ALDH3A1: variants seen among roughly 807,000 people sequenced by gnomAD.
The protein encoded by ALDH3A1 is aldehyde dehydrogenase, dimeric NADP-preferring.
A neutral mutation model predicts 49.9 loss-of-function variants in ALDH3A1; 46 were observed. That is an observed-to-expected ratio of 0.92 (90% CI 0.73 to 1.18). The LOEUF (loss-of-function observed/expected upper bound fraction) is 1.18, where lower values mean the gene tolerates loss of function less well. Ranked by LOEUF, ALDH3A1 falls within the 50% of genes most tolerant of loss-of-function variation. The probability of loss-of-function intolerance (pLI) is 0.00; values close to 1 mark genes in which losing one functional copy is unlikely to be tolerated. For synonymous variants in ALDH3A1, 269 were observed against 253.3 expected (o/e 1.06, Z -0.59); for missense variants, 592 against 611.8 (o/e 0.97, Z 0.34).
Position 19,744,951 on chromosome 17 carries a change from C to A in ALDH3A1, c.162+17G>T. ...TGGCCCCGACACTGGCAGAAGGCGGCCGCCCAGCCTGAGCACCTTGTGCAG... is the reference window on the plus strand; with the variant it reads ...TGGCCCCGACACTGGCAGAAGGCGGACGCCCAGCCTGAGCACCTTGTGCAG... On this transcript the variant is annotated intron_variant, in intron 2 of 10. Coordinates refer to ENST00000225740, the MANE Select transcript of ALDH3A1 (RefSeq NM_000691.5). 1 of 1,310,086 alleles carries A rather than the reference C, an allele frequency of 7.6e-7. No individual in the cohort carries two copies. The highest frequency in any genetic ancestry group is 1.6e-5 in the African/African-American group (1 of 62,166). 81.2% of individuals were successfully genotyped at this position (1,310,086 alleles called of 1,614,324 possible). A position where few individuals can be genotyped will look rare whatever the true frequency, so the allele number is the denominator to read the frequency against.
chr17:19,746,983 C>T (rs1018835190), intron 1 of ALDH3A1, among the ~76,000 whole-genome samples: 4 of 152,120 alleles, frequency 2.6e-5, no homozygotes, highest in Admixed American at 6.5e-5. Context: ...CTCCCTCCTC[C>T]CTGCTCCATC....
chr17:19,740,585 G>C (rs1350175325), intron 6 of ALDH3A1, 108 bp from the exon 7 acceptor site: 1 of 1,280,090 alleles, frequency 7.8e-7, no homozygotes, highest in Admixed American at 2.2e-5. Context: ...TGGGATTCTG[G>C]GTGGAGCTTT....
chr17:19,744,179 G>C, intron 2 of ALDH3A1: 1 of 947,678 alleles, frequency 1.1e-6, no homozygotes, highest in South Asian at 4.9e-5. Flanking sequence ...CTCCTCCTGA[G>C]GAACTCCTGA....
Position 19,742,561 on chromosome 17 carries a change from G to T in ALDH3A1, c.464C>A (p.Pro155His). Residue 155 changes from proline (P) to histidine (H), a missense_variant, in exon 4 of 11, where the codon CCC becomes CAC. Pro to His is a moderately conservative substitution (Grantham distance 77). Transcript: ENST00000225740. The stretch of plus-strand genomic sequence containing the variant: ...GCAACTCACCTTGTCCAGGTACTGG[G>T]GGATGATGGTAGCCAGCAGGCTCGC... The part of the protein sequence containing the change: ...NMASLLATII[P>H]QYLDKDLYPV... 6.2e-7 allele frequency: 1 copy of T among 1,613,740 alleles called. No individual in the cohort carries two copies. The highest frequency in any genetic ancestry group is 2.2e-5 in the East Asian group (1 of 44,860).
chr17:19,743,690 G>A lies in ALDH3A1; in HGVS notation c.163-227C>T, dbSNP rs890168913. 30 of 985,206 alleles carry A rather than the reference G, an allele frequency of 3.0e-5. No homozygotes were observed. Among genetic ancestry groups the A allele is most frequent in the African/African-American group, 5.2e-5 (3 of 57,222 alleles). 61.0% of individuals were successfully genotyped at this position (985,206 alleles called of 1,614,324 possible). ...CAGAGGGGGGCCCAGGTAGGTTTGC[G>A]GCCCCAGGGGAGAGAGCCGGTGAAG... On this transcript the variant is annotated intron_variant, in intron 2 of 10. Transcript: ENST00000225740. This position sits in a 1 kb window ranked among gnomAD's most constrained non-coding sequence, Gnocchi z 4.4.
intron 9 of ALDH3A1, chr17:19,738,665 C>A (rs1185262798): frequency 2.9e-6 from 2 of 694,610 alleles, no homozygotes; most frequent in African/African-American, 3.6e-5. Context: ...TGGCCAATGT[C>A]TAGGGTGTCC....
intron 1 of ALDH3A1, 23 bp from the exon 2 acceptor site, chr17:19,745,157 G>C: frequency 1.9e-6 from 3 of 1,546,288 alleles, no homozygotes; most frequent in African/African-American, 1.4e-5. Context: ...AGCACCTGCA[G>C]CTGGCTGAGG....
intron 1 of ALDH3A1, chr17:19,747,935 C>T (rs1385217501): frequency 5.8e-6 from 1 of 171,474 alleles, no homozygotes; most frequent in Non-Finnish European, 1.3e-5. Flanking sequence ...TTTGAACCCA[C>T]ATGCATCTCT....
chr17:19,739,480 C>G, intron 8 of ALDH3A1, 28 bp downstream of exon 8: 1 of 1,594,700 alleles, frequency 6.3e-7, no homozygotes, highest in Non-Finnish European at 8.5e-7. Context: ...AGGACCCTGG[C>G]AGAGGGCACC....
At chr17:19,741,041 C>G in intron 6 of ALDH3A1, 52 bp downstream of exon 6, 1 of 1,407,912 alleles carries the variant, frequency 7.1e-7, no homozygotes, top group Non-Finnish European at 1.0e-6. Context: ...GGCCAGGCCC[C>G]CCTTGTGCCT....
Position 19,738,307 on chromosome 17 carries a change from G to A in ALDH3A1, c.1347+16C>T, listed in dbSNP as rs372494751. 31 of 1,613,322 alleles carry A rather than the reference G, an allele frequency of 1.9e-5. No individual in the cohort carries two copies. Among genetic ancestry groups the A allele is most frequent in the Non-Finnish European group, 2.5e-5 (29 of 1,179,490 alleles). On this transcript the variant is annotated intron_variant, in intron 10 of 10. Coordinates refer to ENST00000225740, the MANE Select transcript of ALDH3A1 (RefSeq NM_000691.5). ...CGCACAGCCCGGTCTCCCCCACAGC[G>A]CCTTCCCCCTCTCACCTTGGCCGGG...
intron 5 of ALDH3A1, chr17:19,741,445 C>T (rs1005311267): frequency 4.2e-6 from 2 of 478,156 alleles, no homozygotes; most frequent in African/African-American, 3.9e-5. Flanking sequence ...TGAGGGCAAC[C>T]TCCGTGCTCC....
At chr17:19,740,541 C>G in intron 6 of ALDH3A1, 64 bp from the exon 7 acceptor site, 1 of 1,582,768 alleles carries the variant, frequency 6.3e-7, no homozygotes, top group Non-Finnish European at 8.6e-7. Context: ...AAAGGCTGCA[C>G]AGACACAGGC....
Position 19,742,569 on chromosome 17 carries a change from G to C in ALDH3A1, c.456C>G (p.Thr152=). ...LSENMASLLA[T]IIPQYLDKDL... Reference sequence around the variant, plus strand: ...CCTTGTCCAGGTACTGGGGGATGATGGTAGCCAGCAGGCTCGCCATGTTCT... The same window carrying C: ...CCTTGTCCAGGTACTGGGGGATGATCGTAGCCAGCAGGCTCGCCATGTTCT... The change falls in exon 4 of 11, where the codon ACC becomes ACG. Residue 152 remains threonine, a synonymous_variant. Coordinates refer to ENST00000225740, the MANE Select transcript of ALDH3A1 (RefSeq NM_000691.5). 6.2e-7 allele frequency: 1 copy of C among 1,613,828 alleles called. No individual in the cohort carries two copies. The highest frequency in any genetic ancestry group is 8.5e-7 in the Non-Finnish European group (1 of 1,179,902).
intron 3 of ALDH3A1, 198 bp from the exon 4 acceptor site, chr17:19,742,828 AC>A (rs1372611942): frequency 1.3e-6 from 2 of 1,533,782 alleles, no homozygotes; most frequent in Non-Finnish European, 8.7e-7. Context: ...ACACACGGGC[AC>A]ACGCTGGCCA....
rs747805938 is a variant in ALDH3A1, at chr17:19,743,861, C to A, written c.163-398G>T. ...AGATTCGGGCACTGGGAGCTGGATC[C>A]GGGCAGGGTGGAGGGAGCCAGGCCC... On this transcript the variant is annotated intron_variant, in intron 2 of 10. Coordinates refer to ENST00000225740, the MANE Select transcript of ALDH3A1 (RefSeq NM_000691.5). This position sits in a 1 kb window ranked among gnomAD's most constrained non-coding sequence, Gnocchi z 4.4. The A allele has an allele frequency of 1.0e-6, 1 of 983,916 alleles. No homozygotes were observed. The highest frequency in any genetic ancestry group is 1.8e-5 in the African/African-American group (1 of 56,674). The allele number at this position is 983,916 out of a possible 1,614,324, so 60.9% of individuals were successfully genotyped here.
rs1567648681 is a variant in ALDH3A1 at position 19,738,250 on chromosome 17, C to T, written c.1348-15G>A. 7.4e-6 allele frequency: 12 copies of T among 1,614,068 alleles called. No individual in the cohort carries two copies. Among genetic ancestry groups the T allele is most frequent in the East Asian group, 4.5e-5 (2 of 44,878 alleles). On this transcript the variant is annotated splice_polypyrimidine_tract_variant and intron_variant, in intron 10 of 10. Transcript: ENST00000225740. ...TGCTGGGTCATCTGTGAAAGGGACA[C>T]GGAGTGGGCAGTGATCCCCAGGCCC...
At chr17:19,741,917 A>T (rs1172956920) in intron 5 of ALDH3A1, 87 bp downstream of exon 5, 25 of 1,330,412 alleles carry the variant, frequency 1.9e-5, no homozygotes, top group Non-Finnish European at 2.5e-5. Flanking sequence ...TGTGTTACTC[A>T]GAGTGGACCC....
Position 19,738,071 on chromosome 17 carries a change from A to T in ALDH3A1, c.*150T>A, listed in dbSNP as rs2086417472. The T allele has an allele frequency of 6.4e-7, 1 of 1,564,210 alleles. No homozygotes were observed. The highest frequency in any genetic ancestry group is 1.4e-5 in the African/African-American group (1 of 73,944). On this transcript the variant is annotated 3_prime_UTR_variant, in exon 11 of 11. Coordinates refer to ENST00000225740, the MANE Select transcript of ALDH3A1 (RefSeq NM_000691.5). ...ATGGTGAGGCCTGGGCCCATGTGGG[A>T]GTGGGGTGTGCACAGGTCAGCAGGT... is the stretch of plus-strand genomic sequence containing the variant.
Sources: gnomAD v4.1 joint callset for allele counts (sites outside exome capture counted in the v4.1 genomes callset) on GRCh38, gnomAD v4.1.1 for gene constraint, Gnocchi (gnomAD v3.1) non-coding constraint, MANE v1.5 for transcripts, NCBI Gene and HGNC (gene_info 2026-07-23, HGNC 2026-07-21) for gene names.